DLGAP2: variants seen among roughly 807,000 people sequenced by gnomAD.
The protein encoded by DLGAP2 is DLG associated protein 2.
In DLGAP2, 26 loss-of-function variants were observed where a neutral mutation model predicts 100.3. The observed-to-expected ratio is 0.26, with a 90% CI of 0.19 to 0.36. The LOEUF is 0.36. Among genes scored for constraint, DLGAP2 ranks in the 10% least tolerant of loss-of-function variants. The pLI is 1.00. For synonymous variants in DLGAP2, 886 were observed against 630.1 expected, an observed-to-expected ratio of 1.41 and a Z score of -6.08; for missense variants, 1,858 against 1,453.2, an observed-to-expected ratio of 1.28 and a Z score of -4.53.
rs1034399819 is a variant in DLGAP2 at position 767,176 on chromosome 8, G to A, written c.18+29351G>A. Among the ~76,000 whole-genome samples the A allele has an allele frequency of 3.9e-5, 6 of 152,060 alleles. No individual in the cohort carries two copies. The East Asian group carries it at 5.8e-4, about 15-fold the overall frequency. Reference sequence around the variant, plus strand: ...CTGCTGGGGCCACATCCACGGCTCCGCTTCTTCCTGGATCCTTGTGGTCCT... The same window carrying A: ...CTGCTGGGGCCACATCCACGGCTCCACTTCTTCCTGGATCCTTGTGGTCCT... On this transcript the variant is annotated intron_variant, in intron 1 of 14. Transcript: ENST00000637795.
chr8:1,052,199 C>T (rs1018492690), intron 2 of DLGAP2, among the ~76,000 whole-genome samples: 1 of 152,144 alleles, frequency 6.6e-6, no homozygotes, highest in African/African-American at 2.4e-5. Flanking sequence ...TGCCTCTGAC[C>T]ACCCCTTCCC....
intron 3 of DLGAP2, among the ~76,000 whole-genome samples, chr8:1,282,679 C>G (rs1281124364): frequency 3.6e-5 from 5 of 137,178 alleles, no homozygotes; most frequent in Admixed American, 7.7e-5. Context: ...TGACCTGAAC[C>G]CAGCGCATGA....
At chr8:1,418,094 C>T (rs1796981994) in intron 3 of DLGAP2, among the ~76,000 whole-genome samples, 1 of 152,178 alleles carries the variant, frequency 6.6e-6, no homozygotes, top group Admixed American at 6.5e-5. Context: ...AAATGTAACT[C>T]CTGTCCCTCC....
At chr8:1,351,546 G>A (rs1465007924) in intron 3 of DLGAP2, among the ~76,000 whole-genome samples, 2 of 75,484 alleles carry the variant, frequency 2.6e-5, no homozygotes, top group Admixed American at 1.7e-4. Flanking sequence ...GGTCCTGACT[G>A]TGTGTGGAAA....
intron 6 of DLGAP2, among the ~76,000 whole-genome samples, chr8:1,617,699 A>G (rs1029527514): frequency 2.6e-5 from 4 of 152,198 alleles, no homozygotes; most frequent in African/African-American, 9.7e-5. Flanking sequence ...TTTGCTGTGC[A>G]GAAGCTCTTA....
At chr8:863,797 G>C (rs1028962342) in intron 1 of DLGAP2, among the ~76,000 whole-genome samples, 2 of 152,146 alleles carry the variant, frequency 1.3e-5, no homozygotes, top group African/African-American at 4.8e-5. Context: ...TAGTACAGCC[G>C]CTATGGAAAA....
intron 3 of DLGAP2, among the ~76,000 whole-genome samples, chr8:1,439,972 A>G (rs1228708621): frequency 6.6e-6 from 1 of 152,206 alleles, no homozygotes; most frequent in Non-Finnish European, 1.5e-5. Flanking sequence ...TTGAGCACCT[A>G]TGATGTGCAA....
At chr8:1,635,746 A>G (rs1797751196) in intron 8 of DLGAP2, among the ~76,000 whole-genome samples, 1 of 152,268 alleles carries the variant, frequency 6.6e-6, no homozygotes, top group Non-Finnish European at 1.5e-5. Flanking sequence ...TATAATATTC[A>G]TATAATAATA....
chr8:1,556,127 G>C (rs1449889784), intron 5 of DLGAP2, among the ~76,000 whole-genome samples: 3 of 152,214 alleles, frequency 2.0e-5, no homozygotes, highest in African/African-American at 7.2e-5. Flanking sequence ...TGGATTCTGT[G>C]ATCTAAGACC....
intron 3 of DLGAP2, among the ~76,000 whole-genome samples, chr8:1,355,970 C>T (rs1801840151): frequency 6.6e-6 from 1 of 152,130 alleles, no homozygotes; most frequent in Non-Finnish European, 1.5e-5. Flanking sequence ...CCGGTGGCCT[C>T]ACCCAAGGCT....
chr8:1,314,805 T>C (rs915130942), intron 3 of DLGAP2, among the ~76,000 whole-genome samples: 4 of 152,240 alleles, frequency 2.6e-5, no homozygotes, highest in African/African-American at 9.6e-5. Flanking sequence ...ACTTGTTCAT[T>C]ATGAAGGATA....
At chr8:1,673,149 C>G (rs1443790098) in intron 10 of DLGAP2, among the ~76,000 whole-genome samples, 1 of 152,180 alleles carries the variant, frequency 6.6e-6, no homozygotes, top group Non-Finnish European at 1.5e-5. Flanking sequence ...GTTGCCCAGG[C>G]TGGAGTGCAG....
chr8:1,178,820 G>C (rs1162819882), intron 2 of DLGAP2, among the ~76,000 whole-genome samples: 1 of 152,196 alleles, frequency 6.6e-6, no homozygotes, highest in African/African-American at 2.4e-5. Flanking sequence ...GCCAGCATCT[G>C]TCCACCCTGG....
At chr8:1,542,861 A>G (rs985846407) in intron 4 of DLGAP2, among the ~76,000 whole-genome samples, 13 of 152,198 alleles carry the variant, frequency 8.5e-5, no homozygotes, top group Admixed American at 8.5e-4. Flanking sequence ...GTTTCTCTGC[A>G]TCTTCATCAA....
chr8:782,103 G>T (rs1821705393), intron 1 of DLGAP2, among the ~76,000 whole-genome samples: 1 of 152,026 alleles, frequency 6.6e-6, no homozygotes, highest in South Asian at 2.1e-4. Context: ...AAGAAAAGAT[G>T]AATGAGGTGA....
chr8:1,636,793 G>T (rs1361272749), intron 8 of DLGAP2, among the ~76,000 whole-genome samples: 1 of 152,250 alleles, frequency 6.6e-6, no homozygotes, highest in African/African-American at 2.4e-5. Flanking sequence ...TGACAAGATG[G>T]TGAGAACATA....
intron 4 of DLGAP2, among the ~76,000 whole-genome samples, chr8:1,508,975 C>T (rs936383596): frequency 1.3e-5 from 2 of 152,030 alleles, no homozygotes; most frequent in African/African-American, 4.8e-5. Flanking sequence ...CATTAATGAC[C>T]CGTGAATTCA....
At chr8:1,353,266 T>G (rs1563101059) in intron 3 of DLGAP2, among the ~76,000 whole-genome samples, 1 of 152,204 alleles carries the variant, frequency 6.6e-6, no homozygotes, top group African/African-American at 2.4e-5. Context: ...TCTAGACACA[T>G]GTGAACAGAG....
intron 6 of DLGAP2, among the ~76,000 whole-genome samples, chr8:1,609,288 C>G (rs1796920154): frequency 7.1e-6 from 1 of 141,066 alleles, no homozygotes; most frequent in African/African-American, 2.5e-5. Flanking sequence ...TCCAGCCAAA[C>G]TAAGCTTCAT....
Sources: gnomAD v4.1 joint callset for allele counts (sites outside exome capture counted in the v4.1 genomes callset) on GRCh38, gnomAD v4.1.1 for gene constraint, MANE v1.5 for transcripts, NCBI Gene and HGNC (gene_info 2026-07-23, HGNC 2026-07-21) for gene names.